Variants in SLITRK2 observed in about 807,000 individuals in gnomAD.
SLITRK2 encodes SLIT and NTRK like family member 2, also known as SLIT and NTRK-like protein 2.
In SLITRK2, 13 loss-of-function variants were observed where a neutral mutation model predicts 35.4. That is an observed-to-expected ratio of 0.37 (90% CI 0.24 to 0.58). The LOEUF is 0.58. Among genes scored for constraint, SLITRK2 ranks in the 20% least tolerant of loss-of-function variants. The pLI, the probability that SLITRK2 is intolerant of heterozygous loss-of-function variation, is 0.75. For missense variants in SLITRK2, 471 were observed against 634.3 expected (o/e 0.74, Z 2.76); for synonymous variants, 294 against 264.7 (o/e 1.11, Z -1.07).
rs868931044 is a variant in SLITRK2 at position 145,829,021 on chromosome X, T to G, written c.*4058T>G. ...CTTAAATTTTCTGGAATATCCATGT[T>G]TCAGAGGTAATATTTACTTTCTATT... On this transcript the variant is annotated 3_prime_UTR_variant, in exon 5 of 5. Coordinates refer to ENST00000335565, the MANE Select transcript of SLITRK2 (RefSeq NM_032539.5). 8.1e-6 allele frequency: 1 copy of G among 123,531 alleles called. No individual in the cohort carries two copies. The highest frequency in any genetic ancestry group is 3.2e-5 in the African/African-American group (1 of 30,906). The allele number at this position is 123,531 out of a possible 1,213,427, so 10.2% of individuals were successfully genotyped here. A position where few individuals can be genotyped will look rare whatever the true frequency, so the allele number is the denominator to read the frequency against.
intron 1 of SLITRK2, chrX:145,820,105 A>C (rs1175026823): frequency 8.9e-6 from 1 of 112,015 alleles, no homozygotes; most frequent in African/African-American, 3.3e-5. Flanking sequence ...GTGTTTATCT[A>C]TTCCACATTT....
Position 145,824,859 on chromosome X carries a change from G to A in SLITRK2, c.2434G>A (p.Val812Met), listed in dbSNP as rs782430861. The A allele has an allele frequency of 8.3e-7, 1 of 1,211,647 alleles. No individual in the cohort carries two copies. Among genetic ancestry groups the A allele is most frequent in the Non-Finnish European group, 1.1e-6 (1 of 895,513 alleles). The change falls in exon 5 of 5, where the codon GTG becomes ATG. Residue 812 changes from valine (V) to methionine (M), a missense_variant. Val to Met is a conservative substitution (Grantham distance 21). Transcript: ENST00000335565. ...VLYGTPRKCFVGQSKPNHPLL... is the reference protein window; with the variant it reads ...VLYGTPRKCFMGQSKPNHPLL... ...ATATGGAACTCCCAGGAAATGCTTTGTGGGGCAGTCAAAACCCAACCACCC... is the reference window on the plus strand; with the variant it reads ...ATATGGAACTCCCAGGAAATGCTTTATGGGGCAGTCAAAACCCAACCACCC...
rs2073156266 is a variant in SLITRK2 at position 145,829,617 on chromosome X, T to A, written c.*4654T>A. 2.4e-5 allele frequency: 3 copies of A among 123,667 alleles called. No homozygotes were observed. Among genetic ancestry groups the A allele is most frequent in the Non-Finnish European group, 5.6e-5 (3 of 53,380 alleles). The allele number at this position is 123,667 out of a possible 1,213,427, so 10.2% of individuals were successfully genotyped here. ...CCATGTTACAGTAGAGGGTATTCCA[T>A]AAGCACATATTCCATAAAGTGCTCA... On this transcript the variant is annotated 3_prime_UTR_variant, in exon 5 of 5. Coordinates refer to ENST00000335565, the MANE Select transcript of SLITRK2 (RefSeq NM_032539.5).
Position 145,824,671 on chromosome X carries a change from C to T in SLITRK2, c.2246C>T (p.Pro749Leu). 8.3e-7 allele frequency: 1 copy of T among 1,211,530 alleles called. No homozygotes were observed. Among genetic ancestry groups the T allele is most frequent in the Non-Finnish European group, 1.1e-6 (1 of 895,438 alleles). ...GAGCTGCTAGAAAAGCAGGCCACAC[C>T]AAGAGAGCCTGAGCTGCTGTATCAA... ...ATELLEKQAT[P>L]REPELLYQNI... is the part of the protein sequence containing the mutation. Residue 749 changes from proline (P) to leucine (L), a missense_variant, in exon 5 of 5, where the codon CCA becomes CTA. Physicochemically the swap from Pro to Leu is moderately conservative, Grantham distance 98. Transcript: ENST00000335565.
chrX:145,819,478 A>G (rs2072956041), intron 1 of SLITRK2: 1 of 112,074 alleles, frequency 8.9e-6, no homozygotes, highest in Admixed American at 9.4e-5. Flanking sequence ...TGTAAAATGA[A>G]CCTGACTTCT....
At position 145,824,525 on chromosome X, in the gene SLITRK2, C is replaced by G. The variant is rs2124204658; in HGVS notation, c.2100C>G (p.Ile700Met). The G allele has an allele frequency of 1.7e-6, 2 of 1,211,012 alleles. No homozygotes were observed. Among genetic ancestry groups the G allele is most frequent in the Non-Finnish European group, 2.2e-6 (2 of 895,254 alleles). The change falls in exon 5 of 5, where the codon ATC becomes ATG. Residue 700 changes from isoleucine (I) to methionine (M), a missense_variant. Ile to Met is a conservative substitution (Grantham distance 10). Transcript: ENST00000335565. ...TGGGTCAGATGTGCCAAAACCCCAT[C>G]TACATGCAGAAGGAAGGAGACCCAG... ...PPVGQMCQNP[I>M]YMQKEGDPVA...
rs1556944554 is a variant in SLITRK2 at position 145,823,965 on chromosome X, G to A, written c.1540G>A (p.Val514Ile). The change falls in exon 5 of 5, where the codon GTT becomes ATT. Residue 514 changes from valine (V) to isoleucine (I), a missense_variant. This residue lies in a region of SLITRK2 where 92 missense variants were observed against 184.2 expected (regional missense o/e 0.50). Coordinates refer to ENST00000335565, the MANE Select transcript of SLITRK2 (RefSeq NM_032539.5). ...TTTTTCTCACCTGCCCGTGAAAGGG[G>A]TTCTGGATCAGCTCCCGGCTTTCAT... ...NHFSHLPVKG[V>I]LDQLPAFIQI... The A allele has an allele frequency of 8.3e-7, 1 of 1,211,444 alleles. No homozygotes were observed. The highest frequency in any genetic ancestry group is 2.2e-5 in the Admixed American group (1 of 45,982).
In SLITRK2 at chrX:145,824,207, C is replaced by A. The variant is rs2124195471; in HGVS notation, c.1782C>A (p.His594Gln). 1 of 1,210,857 alleles carries A rather than the reference C, an allele frequency of 8.3e-7. No homozygotes were observed. ...ATGGAACCGTCTTGTCAATGAATCACAATACAGACACACCTCGGTCGCTTA... is the reference window on the plus strand; with the variant it reads ...ATGGAACCGTCTTGTCAATGAATCAAAATACAGACACACCTCGGTCGCTTA... ...LSDGTVLSMNHNTDTPRSLSV... is the reference protein window; with the variant it reads ...LSDGTVLSMNQNTDTPRSLSV... The change falls in exon 5 of 5, where the codon CAC becomes CAA. Residue 594 changes from histidine (H) to glutamine (Q), a missense_variant. By Grantham distance (24) the His-to-Gln change is conservative. Coordinates refer to ENST00000335565, the MANE Select transcript of SLITRK2 (RefSeq NM_032539.5).
At position 145,824,491 on chromosome X, in the gene SLITRK2, C is replaced by A. The variant is rs781846730; in HGVS notation, c.2066C>A (p.Pro689His). The change falls in exon 5 of 5, where the codon CCC (proline) becomes CAC (histidine). Residue 689 changes from proline to histidine, a missense_variant. By Grantham distance (77) the Pro-to-His change is moderately conservative. This residue lies in a region of SLITRK2 where 190 missense variants were observed against 199.3 expected (regional missense o/e 0.95). Transcript: ENST00000335565. ...GACGGCCATGTCTACAACTATATCC[C>A]CCCACCTGTGGGTCAGATGTGCCAA... is the stretch of plus-strand genomic sequence containing the variant. The part of the protein sequence containing the change: ...KTDGHVYNYI[P>H]PPVGQMCQNP... 8.3e-7 allele frequency: 1 copy of A among 1,209,064 alleles called. No homozygotes were observed. The highest frequency in any genetic ancestry group is 1.8e-5 in the African/African-American group (1 of 56,839).
In SLITRK2 at chrX:145,824,671, C is replaced by G. The variant is rs1176233798; in HGVS notation, c.2246C>G (p.Pro749Arg). The G allele has an allele frequency of 8.3e-7, 1 of 1,211,530 alleles. No homozygotes were observed. The highest frequency in any genetic ancestry group is 1.1e-6 in the Non-Finnish European group (1 of 895,438). Residue 749 changes from proline to arginine, a missense_variant, in exon 5 of 5, where the codon CCA (proline) becomes CGA (arginine). Physicochemically the swap from Pro to Arg is moderately radical, Grantham distance 103. Coordinates refer to ENST00000335565, the MANE Select transcript of SLITRK2 (RefSeq NM_032539.5). ...ATELLEKQAT[P>R]REPELLYQNI... ...GAGCTGCTAGAAAAGCAGGCCACAC[C>G]AAGAGAGCCTGAGCTGCTGTATCAA...
In SLITRK2 at chrX:145,827,586, C is replaced by T; in HGVS notation, c.*2623C>T. The stretch of plus-strand genomic sequence containing the variant: ...CTGAGAGAACTCAAATTTATAAACT[C>T]TGTTGCCTAATAATTATGGTTTAAT... On this transcript the variant is annotated 3_prime_UTR_variant, in exon 5 of 5. Coordinates refer to ENST00000335565, the MANE Select transcript of SLITRK2 (RefSeq NM_032539.5). 3.6e-6 allele frequency: 3 copies of T among 844,252 alleles called. No individual in the cohort carries two copies. The highest frequency in any genetic ancestry group is 3.2e-6 in the Non-Finnish European group (2 of 624,154). 69.6% of individuals were successfully genotyped at this position (844,252 alleles called of 1,213,427 possible). A position where few individuals can be genotyped will look rare whatever the true frequency, so the allele number is the denominator to read the frequency against.
In SLITRK2 at chrX:145,823,529, T is replaced by C. The variant is rs1172041898; in HGVS notation, c.1104T>C (p.Ser368=). ...NCQERKFTNI[S]DLQPKPTSPK... The stretch of plus-strand genomic sequence containing the variant: ...AAGAAAGGAAGTTCACTAATATCTC[T>C]GACCTGCAGCCCAAACCGACCAGTC... The change falls in exon 5 of 5, where the codon TCT becomes TCC. Residue 368 remains serine (S), a synonymous_variant. Transcript: ENST00000335565. 8.3e-7 allele frequency: 1 copy of C among 1,209,996 alleles called. No homozygotes were observed. The highest frequency in any genetic ancestry group is 1.1e-6 in the Non-Finnish European group (1 of 895,154).
At position 145,825,556 on chromosome X, in the gene SLITRK2, T is replaced by C. The variant is rs1376942250; in HGVS notation, c.*593T>C. ...AAATGTTGCTTTTAGCTTTGATAAA[T>C]TGAAAATATTTTAATGTGTTGTATT... On this transcript the variant is annotated 3_prime_UTR_variant, in exon 5 of 5. Transcript: ENST00000335565. The C allele has an allele frequency of 1.6e-5, 2 of 123,704 alleles. No homozygotes were observed. The highest frequency in any genetic ancestry group is 3.8e-5 in the Non-Finnish European group (2 of 53,291). The allele number at this position is 123,704 out of a possible 1,213,427, so 10.2% of individuals were successfully genotyped here. A position where few individuals can be genotyped will look rare whatever the true frequency, so the allele number is the denominator to read the frequency against.
At position 145,825,787 on chromosome X, in the gene SLITRK2, T is replaced by C. The variant is rs186730690; in HGVS notation, c.*824T>C. On this transcript the variant is annotated 3_prime_UTR_variant, in exon 5 of 5. Coordinates refer to ENST00000335565, the MANE Select transcript of SLITRK2 (RefSeq NM_032539.5). ...AGGGGATTTAACAGTGGACTAGAGG[T>C]AATAAGCCACCTCAGTCAGGATTAA... 8.1e-6 allele frequency: 1 copy of C among 122,850 alleles called. No individual in the cohort carries two copies. The highest frequency in any genetic ancestry group is 1.9e-5 in the Non-Finnish European group (1 of 53,120). 10.1% of individuals were successfully genotyped at this position (122,850 alleles called of 1,213,427 possible).
chrX:145,825,356 T>A lies in SLITRK2; in HGVS notation c.*393T>A, dbSNP rs1448341556. On this transcript the variant is annotated 3_prime_UTR_variant, in exon 5 of 5. Transcript: ENST00000335565. ...GACTGAAGAAAGAATAGGCAAACTTTTCAAATGAAAATGGATATTTAGTGT... is the reference window on the plus strand; with the variant it reads ...GACTGAAGAAAGAATAGGCAAACTTATCAAATGAAAATGGATATTTAGTGT... The A allele has an allele frequency of 1.4e-5, 2 of 143,705 alleles. No individual in the cohort carries two copies. Among genetic ancestry groups the A allele is most frequent in the Non-Finnish European group, 2.9e-5 (2 of 67,956 alleles). 11.8% of individuals were successfully genotyped at this position (143,705 alleles called of 1,213,427 possible). A position where few individuals can be genotyped will look rare whatever the true frequency, so the allele number is the denominator to read the frequency against.
Position 145,828,301 on chromosome X carries a change from T to G in SLITRK2, c.*3338T>G, listed in dbSNP as rs1271162773. On this transcript the variant is annotated 3_prime_UTR_variant, in exon 5 of 5. Coordinates refer to ENST00000335565, the MANE Select transcript of SLITRK2 (RefSeq NM_032539.5). The stretch of plus-strand genomic sequence containing the variant: ...CTCCAAGTCATCAAGGGCTTAATAA[T>G]TTATGAATTTTACAAAAAGCATTTA... The G allele has an allele frequency of 4.2e-6, 1 of 238,165 alleles. No individual in the cohort carries two copies. The highest frequency in any genetic ancestry group is 7.2e-5 in the East Asian group (1 of 13,819). The allele number at this position is 238,165 out of a possible 1,213,427, so 19.6% of individuals were successfully genotyped here.
rs782356459 is a variant in SLITRK2, at chrX:145,822,866, T to C, written c.441T>C (p.Ser147=). The change falls in exon 5 of 5, where the codon AGT becomes AGC. Residue 147 remains serine (S), a synonymous_variant. Coordinates refer to ENST00000335565, the MANE Select transcript of SLITRK2 (RefSeq NM_032539.5). ...TCCAGGCCGACTACAATTACATCAG[T>C]GCCATCGAGGCTGGGGCATTCAGCA... The part of the protein sequence containing the change: ...EYLQADYNYI[S]AIEAGAFSKL... 5.3e-5 allele frequency: 64 copies of C among 1,208,669 alleles called. No homozygotes were observed. The highest frequency in any genetic ancestry group is 7.0e-5 in the African/African-American group (4 of 56,754).
rs2124142520 is a variant in SLITRK2, at chrX:145,822,071, G to A, written c.-126G>A. The A allele has an allele frequency of 5.5e-6, 1 of 180,381 alleles. No individual in the cohort carries two copies. Among genetic ancestry groups the A allele is most frequent in the South Asian group, 2.2e-4 (1 of 4,633 alleles). 14.9% of individuals were successfully genotyped at this position (180,381 alleles called of 1,213,427 possible). A position where few individuals can be genotyped will look rare whatever the true frequency, so the allele number is the denominator to read the frequency against. On this transcript the variant is annotated 5_prime_UTR_variant, in exon 4 of 5. Transcript: ENST00000335565. Reference sequence around the variant, plus strand: ...CCGAGATCTCTTCGAGATACCCCAGGGGAGGAGGAGATGGGCAGGATTTAG... The same window carrying A: ...CCGAGATCTCTTCGAGATACCCCAGAGGAGGAGGAGATGGGCAGGATTTAG...
chrX:145,824,904 C>T lies in SLITRK2; in HGVS notation c.2479C>T (p.Gln827Ter), dbSNP rs782328204. 1.7e-6 allele frequency: 2 copies of T among 1,210,892 alleles called. No homozygotes were observed. Among genetic ancestry groups the T allele is most frequent in the Non-Finnish European group, 2.2e-6 (2 of 895,294 alleles). ...PNHPLLQAKPQSEPDYLEVLE... is the reference protein window; with the variant it reads ...PNHPLLQAKP ...CCACCCTTTACTGCAAGCTAAGCCG[C>T]AATCAGAACCGGACTACCTCGAAGT... Residue 827 changes from glutamine (Q) to a stop codon, truncating the protein, a stop_gained, in exon 5 of 5, where the codon CAA becomes TAA. Transcript: ENST00000335565. LOFTEE classifies it high-confidence loss of function.
Sources: allele counts gnomAD v4.1 joint callset, GRCh38; gene constraint gnomAD v4.1.1; regional missense constraint gnomAD v4.1.1; transcripts MANE v1.5; gene names NCBI Gene and HGNC (gene_info 2026-07-23, HGNC 2026-07-21).